RNGTT: variants seen among roughly 807,000 people sequenced by gnomAD.
The protein encoded by RNGTT is mRNA-capping enzyme.
A neutral mutation model predicts 79.3 loss-of-function variants in RNGTT; 33 were observed. That is an observed-to-expected ratio of 0.42 (90% CI 0.32 to 0.56). The LOEUF is 0.56. Among genes scored for constraint, RNGTT ranks in the 20% least tolerant of loss-of-function variants. The probability of loss-of-function intolerance (pLI) is 0.17; values close to 1 mark genes in which losing one functional copy is unlikely to be tolerated. For synonymous variants in RNGTT, 222 were observed against 235.9 expected (o/e 0.94, Z 0.54); for missense variants, 497 against 739.1 (o/e 0.67, Z 3.80).
chr6:88,821,617 A>C (rs988069347), intron 11 of RNGTT, among the ~76,000 whole-genome samples: 18 of 152,054 alleles, frequency 1.2e-4, no homozygotes, highest in Non-Finnish European at 2.5e-4. Flanking sequence ...AAAGTAAACA[A>C]AAGCAAAATA....
In RNGTT at chr6:88,932,778, C is replaced by A. The variant is rs2127955280; in HGVS notation, c.175-3511G>T. On this transcript the variant is annotated intron_variant, in intron 2 of 15. Coordinates refer to ENST00000369485, the MANE Select transcript of RNGTT (RefSeq NM_003800.5). ...TTCAGGGCCCTTCAGTATGAAAAAT[C>A]TTTAAAACCTAGAATCACAATCAGC... Among the ~76,000 whole-genome samples, 3 of 152,218 alleles carry A rather than the reference C, an allele frequency of 2.0e-5. No individual in the cohort carries two copies. In the South Asian group the frequency reaches 6.2e-4, roughly 32 times the overall value.
chr6:88,718,331 GA>G (rs1391314426), intron 13 of RNGTT, among the ~76,000 whole-genome samples: 1 of 151,106 alleles, frequency 6.6e-6, no homozygotes, highest in Admixed American at 6.6e-5. Context: ...AGGTTATAGT[GA>G]GCCAAGATTG....
chr6:88,760,198 C>T (rs1778164049), intron 13 of RNGTT, among the ~76,000 whole-genome samples: 1 of 152,208 alleles, frequency 6.6e-6, no homozygotes, highest in Admixed American at 6.5e-5. Flanking sequence ...TTTTCTCCTA[C>T]TAGTTACTTG....
At chr6:88,784,581 GA>G (rs140368073) in intron 12 of RNGTT, among the ~76,000 whole-genome samples, 3,374 of 152,180 alleles carry the variant, frequency 0.022, 108 homozygotes, top group African/African-American at 0.077. Flanking sequence ...AGCTCTTACA[GA>G]ATGAATTGGT....
intron 13 of RNGTT, among the ~76,000 whole-genome samples, chr6:88,708,607 T>C (rs1198198835): frequency 2.0e-5 from 3 of 152,164 alleles, no homozygotes; most frequent in Non-Finnish European, 2.9e-5. Flanking sequence ...TGGTGCTTTC[T>C]GAAATCTGTC....
intron 1 of RNGTT, among the ~76,000 whole-genome samples, chr6:88,951,006 C>T (rs2127963785): frequency 6.6e-6 from 1 of 152,122 alleles, no homozygotes; most frequent in South Asian, 2.1e-4. Flanking sequence ...TTACAGGTGC[C>T]TGCCACCATG....
intron 13 of RNGTT, among the ~76,000 whole-genome samples, chr6:88,751,973 T>C (rs999884644): frequency 5.9e-5 from 9 of 152,106 alleles, no homozygotes; most frequent in African/African-American, 2.2e-4. Context: ...AAGATAGTTT[T>C]CTGATGTACA....
chr6:88,876,597 T>C (rs914691021), intron 8 of RNGTT, among the ~76,000 whole-genome samples: 9 of 152,228 alleles, frequency 5.9e-5, no homozygotes, highest in Admixed American at 6.5e-5. Context: ...CTCTGGCATA[T>C]GGTAAATGTT....
At chr6:88,811,367 T>G (rs1780131756) in intron 11 of RNGTT, among the ~76,000 whole-genome samples, 1 of 152,224 alleles carries the variant, frequency 6.6e-6, no homozygotes, top group African/African-American at 2.4e-5. Flanking sequence ...TAATCTTATC[T>G]TTGAATACCA....
chr6:88,930,549 T>C (rs1161529764), intron 2 of RNGTT, among the ~76,000 whole-genome samples: 1 of 151,704 alleles, frequency 6.6e-6, no homozygotes, highest in Non-Finnish European at 1.5e-5. Context: ...GTAAATTGTT[T>C]AAAAAAAAGT....
chr6:88,871,741 A>T (rs1160542162), intron 8 of RNGTT, among the ~76,000 whole-genome samples: 1 of 152,120 alleles, frequency 6.6e-6, no homozygotes, highest in Non-Finnish European at 1.5e-5. Flanking sequence ...GGCTGTTCAG[A>T]GCTTTCCTTA....
chr6:88,959,186 A>T (rs959172348), intron 1 of RNGTT, among the ~76,000 whole-genome samples: 2 of 147,762 alleles, frequency 1.4e-5, no homozygotes, highest in African/African-American at 5.0e-5. Context: ...ACAATGATAT[A>T]ATGGACTTTG....
chr6:88,918,297 T>C (rs1417243169), intron 4 of RNGTT, among the ~76,000 whole-genome samples: 1 of 152,206 alleles, frequency 6.6e-6, no homozygotes, highest in Non-Finnish European at 1.5e-5. Flanking sequence ...CACTCCAGCC[T>C]GGATGACTGA....
intron 4 of RNGTT, among the ~76,000 whole-genome samples, chr6:88,925,594 T>TAAA (rs35542749): frequency 1.8e-5 from 2 of 111,898 alleles, no homozygotes; most frequent in Non-Finnish European, 1.9e-5. Context: ...CCTTACCTCA[T>TAAA]AAAAAAAAAA....
chr6:88,915,202 A>G (rs1783960524), intron 4 of RNGTT, among the ~76,000 whole-genome samples: 1 of 152,202 alleles, frequency 6.6e-6, no homozygotes, highest in African/African-American at 2.4e-5. Flanking sequence ...TGTGGAAAGC[A>G]ATTTGGAGAT....
intron 12 of RNGTT, among the ~76,000 whole-genome samples, chr6:88,782,038 T>G (rs1779081474): frequency 6.6e-6 from 1 of 151,890 alleles, no homozygotes; most frequent in Non-Finnish European, 1.5e-5. Flanking sequence ...AAAGACCACC[T>G]CCCCGTGCCC....
intron 4 of RNGTT, among the ~76,000 whole-genome samples, chr6:88,925,112 G>C (rs1582137083): frequency 1.3e-5 from 2 of 151,712 alleles, no homozygotes; most frequent in African/African-American, 4.8e-5. Context: ...CAACTTTAAA[G>C]CCAGAAACTG....
chr6:88,844,650 C>A, intron 10 of RNGTT, 129 bp from the exon 11 acceptor site: 2 of 769,432 alleles, frequency 2.6e-6, no homozygotes, highest in Non-Finnish European at 4.1e-6. Flanking sequence ...CAGTGCACAG[C>A]GTGCACAAAC....
At position 88,963,414 on chromosome 6, in the gene RNGTT, T is replaced by G; in HGVS notation, c.-5A>C. ...CGGGATCTTGTTGTGAGCCATGTCT[T>G]GGGGCTGCGCAGAGCTGCCCTCCCT... On this transcript the variant is annotated 5_prime_UTR_variant, in exon 1 of 16. Coordinates refer to ENST00000369485, the MANE Select transcript of RNGTT (RefSeq NM_003800.5). 1 of 1,597,824 alleles carries G rather than the reference T, an allele frequency of 6.3e-7. No individual in the cohort carries two copies. The highest frequency in any genetic ancestry group is 8.5e-7 in the Non-Finnish European group (1 of 1,171,248).
Sources: allele counts gnomAD v4.1 joint callset (sites outside exome capture counted in the v4.1 genomes callset), GRCh38; gene constraint gnomAD v4.1.1; transcripts MANE v1.5; gene names NCBI Gene and HGNC (gene_info 2026-07-23, HGNC 2026-07-21).